The following OR1J2 variants were observed in gnomAD, a reference collection of about 807,000 sequenced individuals.
OR1J2 encodes the protein olfactory receptor 1J2.
For missense variants in OR1J2, 304 were observed against 246.1 expected (o/e 1.24, Z -1.57); for synonymous variants, 142 against 99.7 (o/e 1.42, Z -2.52).
At chr9:122,579,438 T>C in the OR1J2 span, among the ~76,000 whole-genome samples, 773 of 152,244 alleles carry the variant, frequency 5.1e-3, 3 homozygotes, top group African/African-American at 0.018. Context: ...TTTCTCTCCT[T>C]TAAGAGAGAA....
the OR1J2 span, among the ~76,000 whole-genome samples, chr9:122,552,060 C>T: frequency 9.7e-6 from 1 of 103,620 alleles, no homozygotes; most frequent in African/African-American, 3.8e-5. Flanking sequence ...CACATACACT[C>T]TCTCTCTCTC....
chr9:122,492,585 A>G, the OR1J2 span, among the ~76,000 whole-genome samples: 1 of 152,198 alleles, frequency 6.6e-6, no homozygotes, highest in African/African-American at 2.4e-5. Flanking sequence ...AGTGCTTTCC[A>G]CAGTGTCTGA....
chr9:122,448,143 C>T, the OR1J2 span, among the ~76,000 whole-genome samples: 8 of 152,058 alleles, frequency 5.3e-5, no homozygotes, highest in South Asian at 2.1e-4. Context: ...AAGGGGAATG[C>T]GGCAGGAGAA....
At chr9:122,527,363 G>T in the OR1J2 span, 2 of 904,908 alleles carry the variant, frequency 2.2e-6, no homozygotes, top group South Asian at 1.7e-5. Flanking sequence ...TGTGTGGGCT[G>T]ACTCCCAAAT....
chr9:122,460,018 C>T, the OR1J2 span, among the ~76,000 whole-genome samples: 1,528 of 152,160 alleles, frequency 0.01, 8 homozygotes, highest in Middle Eastern at 0.055. Context: ...TAACTTAGCT[C>T]CCACTTATGA....
chr9:122,532,284 G>A, the OR1J2 span, among the ~76,000 whole-genome samples: 14 of 152,268 alleles, frequency 9.2e-5, no homozygotes, highest in Admixed American at 3.3e-4. Flanking sequence ...AGATTTCCAC[G>A]ATGGAAAGGA....
At chr9:122,562,753 G>A in the OR1J2 span, among the ~76,000 whole-genome samples, 3 of 152,142 alleles carry the variant, frequency 2.0e-5, no homozygotes, top group South Asian at 4.1e-4. Flanking sequence ...CCACAAATAA[G>A]TGAGAATATG....
the OR1J2 span, among the ~76,000 whole-genome samples, chr9:122,525,950 T>G: frequency 6.6e-6 from 1 of 152,210 alleles, no homozygotes; most frequent in Non-Finnish European, 1.5e-5. Flanking sequence ...AAGCAGGGAC[T>G]TTGTCTTGCT....
chr9:122,493,228 G>A, the OR1J2 span, among the ~76,000 whole-genome samples: 6 of 152,110 alleles, frequency 3.9e-5, no homozygotes, highest in African/African-American at 1.2e-4. Context: ...GAATGTGTTA[G>A]GAAGGATTCC....
the OR1J2 span, among the ~76,000 whole-genome samples, chr9:122,546,584 C>T: frequency 2.0e-4 from 31 of 152,098 alleles, no homozygotes. Flanking sequence ...ACGGATACAA[C>T]TAGGCTATTT....
chr9:122,453,028 CAAAAAAA>C, the OR1J2 span, among the ~76,000 whole-genome samples: 4 of 93,462 alleles, frequency 4.3e-5, no homozygotes, highest in African/African-American at 7.8e-5. Context: ...AGCTTCGTCT[CAAAAAAA>C]AAAAAAAAAA....
At chr9:122,461,067 G>T in the OR1J2 span, among the ~76,000 whole-genome samples, 7 of 152,090 alleles carry the variant, frequency 4.6e-5, no homozygotes, top group Non-Finnish European at 1.0e-4. Context: ...AACAGTGATA[G>T]TTTGACTTCC....
chr9:122,477,656 C>G, the OR1J2 span: 4 of 1,614,146 alleles, frequency 2.5e-6, no homozygotes, highest in Admixed American at 3.3e-5. Context: ...TAAAAGACGG[C>G]TAGGTGCTGA....
chr9:122,578,801 C>T, the OR1J2 span, among the ~76,000 whole-genome samples: 2 of 151,934 alleles, frequency 1.3e-5, no homozygotes, highest in African/African-American at 4.8e-5. Context: ...TTTGGGGACT[C>T]GGGAAAGGGT....
At chr9:122,485,532 T>C in the OR1J2 span, among the ~76,000 whole-genome samples, 1 of 152,348 alleles carries the variant, frequency 6.6e-6, no homozygotes, top group East Asian at 1.9e-4. Flanking sequence ...GCCTTTCCTG[T>C]CCCTACCCAA....
chr9:122,464,750 G>A, the OR1J2 span, among the ~76,000 whole-genome samples: 10 of 152,180 alleles, frequency 6.6e-5, no homozygotes, highest in African/African-American at 2.4e-4. Context: ...TTCTGCCCAG[G>A]TAAATCATCT....
chr9:122,448,337 C>T, the OR1J2 span, among the ~76,000 whole-genome samples: 1 of 152,174 alleles, frequency 6.6e-6, no homozygotes, highest in African/African-American at 2.4e-5. Context: ...GCACGTCTTG[C>T]CTCCCACCAT....
chr9:122,552,785 T>TGTGTGTGC, the OR1J2 span, among the ~76,000 whole-genome samples: 5 of 125,858 alleles, frequency 4.0e-5, no homozygotes, highest in Non-Finnish European at 9.0e-5. Context: ...TGTGTGTGTG[T>TGTGTGTGC]GTGTGTGTGT....
chr9:122,560,015 T>G, the OR1J2 span, among the ~76,000 whole-genome samples: 1 of 152,214 alleles, frequency 6.6e-6, no homozygotes, highest in African/African-American at 2.4e-5. Context: ...GGTGCTCCTG[T>G]ATTGGGTGCA....
Sources: gnomAD v4.1 joint callset for allele counts (sites outside exome capture counted in the v4.1 genomes callset) on GRCh38, gnomAD v4.1.1 for gene constraint, MANE v1.5 for transcripts, NCBI Gene and HGNC (gene_info 2026-07-23, HGNC 2026-07-21) for gene names.